Variants in CERS3 observed in about 807,000 individuals in gnomAD.
CERS3 encodes the protein LAG1 homolog, ceramide synthase 3.
A neutral mutation model predicts 50.3 loss-of-function variants in CERS3; 33 were observed. The ratio of observed to expected loss-of-function variants is 0.66; its 90% CI spans 0.50 to 0.88. The LOEUF (loss-of-function observed/expected upper bound fraction) is 0.88, where lower values mean the gene tolerates loss of function less well. Ranked by LOEUF, CERS3 falls within the 40% of genes least tolerant of loss-of-function variation. CERS3 has a pLI of 0.00. For missense variants in CERS3, 470 were observed against 460.3 expected, an observed-to-expected ratio of 1.02 and a Z score of -0.19; for synonymous variants, 176 against 155.2, an observed-to-expected ratio of 1.13 and a Z score of -0.99.
At chr15:100,482,166 T>C (rs1484316068) in intron 5 of CERS3, among the ~76,000 whole-genome samples, 2 of 152,244 alleles carry the variant, frequency 1.3e-5, no homozygotes, top group African/African-American at 4.8e-5. Flanking sequence ...GATAATATCC[T>C]TGTCAATGTC....
At chr15:100,412,782 G>A (rs2031590274) in intron 11 of CERS3, among the ~76,000 whole-genome samples, 1 of 152,078 alleles carries the variant, frequency 6.6e-6, no homozygotes, top group Non-Finnish European at 1.5e-5. Context: ...TACTATCAAT[G>A]GATCTAATTC....
chr15:100,486,759 G>GA (rs1409382901), intron 4 of CERS3, among the ~76,000 whole-genome samples: 3 of 152,200 alleles, frequency 2.0e-5, no homozygotes, highest in African/African-American at 7.2e-5. Flanking sequence ...TCATTCATTT[G>GA]AAAGGATTTA....
At chr15:100,514,251 A>T (rs2036431862) in intron 2 of CERS3, among the ~76,000 whole-genome samples, 3 of 152,252 alleles carry the variant, frequency 2.0e-5, no homozygotes, top group Admixed American at 2.0e-4. Flanking sequence ...AAACTATTAA[A>T]TACCATGAAA....
intron 11 of CERS3, among the ~76,000 whole-genome samples, chr15:100,415,832 A>C (rs1204778755): frequency 6.6e-6 from 1 of 152,058 alleles, no homozygotes; most frequent in Non-Finnish European, 1.5e-5. Context: ...TCGGACAAAT[A>C]CCTAATGTAT....
intron 2 of CERS3, among the ~76,000 whole-genome samples, chr15:100,516,774 T>C (rs2036501921): frequency 6.6e-6 from 1 of 152,184 alleles, no homozygotes; most frequent in African/African-American, 2.4e-5. Flanking sequence ...CCAACTGTGC[T>C]AAGTAAAATA....
chr15:100,433,341 G>A (rs761626800), intron 11 of CERS3, among the ~76,000 whole-genome samples: 172 of 145,754 alleles, frequency 1.2e-3, no homozygotes, highest in African/African-American at 1.7e-3. Flanking sequence ...AATTCCCCCC[G>A]CCGCCCCACC....
chr15:100,402,526 T>C lies in CERS3; in HGVS notation c.*187A>G, dbSNP rs528586161. 9 of 591,278 alleles carry C rather than the reference T, an allele frequency of 1.5e-5. No homozygotes were observed. In the Middle Eastern group the frequency reaches 1.4e-3, roughly 90 times the overall value. The allele number at this position is 591,278 out of a possible 1,614,324, so 36.6% of individuals were successfully genotyped here. Reference sequence around the variant, plus strand: ...GAGTCCTAACTGCAGTAAAAATCCATGGGCATGCTTATATTTAACATTTTA... The same window carrying C: ...GAGTCCTAACTGCAGTAAAAATCCACGGGCATGCTTATATTTAACATTTTA... On this transcript the variant is annotated 3_prime_UTR_variant, in exon 12 of 12. Coordinates refer to ENST00000679737, the MANE Select transcript of CERS3 (RefSeq NM_001378789.1).
Position 100,478,909 on chromosome 15 carries a change from G to C in CERS3, c.516+519C>G, listed in dbSNP as rs564587643. 3.3e-5 allele frequency among the ~76,000 whole-genome samples: 5 copies of C among 152,234 alleles called. No individual in the cohort carries two copies. In the East Asian group the frequency reaches 9.6e-4, roughly 29 times the overall value. On this transcript the variant is annotated intron_variant, in intron 7 of 11. Coordinates refer to ENST00000679737, the MANE Select transcript of CERS3 (RefSeq NM_001378789.1). Reference sequence around the variant, plus strand: ...CGATTTACAGAACAATAATAGCAATGACTTCTAAGGTTTTAAATATTTGAA... The same window carrying C: ...CGATTTACAGAACAATAATAGCAATCACTTCTAAGGTTTTAAATATTTGAA...
intron 4 of CERS3, among the ~76,000 whole-genome samples, chr15:100,485,079 T>G (rs1481131944): frequency 6.6e-6 from 1 of 152,166 alleles, no homozygotes; most frequent in East Asian, 1.9e-4. Flanking sequence ...AGAAGTTCAG[T>G]GACTTGTCCA....
In CERS3 at chr15:100,490,917, G is replaced by C; in HGVS notation, c.188C>G (p.Pro63Arg). 1 of 1,593,028 alleles carries C rather than the reference G, an allele frequency of 6.3e-7. No individual in the cohort carries two copies. The highest frequency in any genetic ancestry group is 8.5e-7 in the Non-Finnish European group (1 of 1,170,314). Residue 63 changes from proline to arginine, a missense_variant, in exon 4 of 12, where the codon CCT becomes CGT. By Grantham distance (103) the Pro-to-Arg change is moderately radical. Coordinates refer to ENST00000679737, the MANE Select transcript of CERS3 (RefSeq NM_001378789.1). ...TTTAATGCCAAATGATTTTGCTAGA[G>C]GTGAAGCAACAAATCTACAAAAATA... ...RRVFEKFVASPLAKSFGIKET... is the reference protein window; with the variant it reads ...RRVFEKFVASRLAKSFGIKET...
intron 10 of CERS3, among the ~76,000 whole-genome samples, chr15:100,459,074 T>C (rs2034467393): frequency 6.6e-6 from 1 of 152,252 alleles, no homozygotes; most frequent in South Asian, 2.1e-4. Context: ...TTAGTGTGTG[T>C]GTCTGTGTTC....
At chr15:100,414,725 T>C (rs1020868838) in intron 11 of CERS3, among the ~76,000 whole-genome samples, 1 of 151,074 alleles carries the variant, frequency 6.6e-6, no homozygotes, top group African/African-American at 2.4e-5. Flanking sequence ...TGGCCAGCCA[T>C]ATGCAAACTA....
chr15:100,408,684 A>T (rs1450004752), intron 11 of CERS3: 3 of 152,224 alleles, frequency 2.0e-5, no homozygotes, highest in Non-Finnish European at 2.9e-5. Context: ...ATGGATGAAT[A>T]GGATGGGTGC....
intron 11 of CERS3, among the ~76,000 whole-genome samples, chr15:100,441,150 A>G (rs1254388240): frequency 1.3e-5 from 2 of 151,842 alleles, no homozygotes; most frequent in Non-Finnish European, 1.5e-5. Context: ...CTGACCTCTT[A>G]TCTCTGTGCC....
At chr15:100,481,463 C>T (rs1322308067) in intron 5 of CERS3, among the ~76,000 whole-genome samples, 2 of 152,166 alleles carry the variant, frequency 1.3e-5, no homozygotes, top group Non-Finnish European at 2.9e-5. Flanking sequence ...TTATCTTGTC[C>T]AAACAAAACC....
At position 100,484,686 on chromosome 15, in the gene CERS3, G is replaced by A. The variant is rs377010792; in HGVS notation, c.289-18C>T. On this transcript the variant is annotated intron_variant, in intron 4 of 11. Transcript: ENST00000679737. ...ATATCAGTCTGAAAAGGGATGAAAC[G>A]CATAAATGAGTGATAAAGAACAGAG... 6.6e-5 allele frequency: 101 copies of A among 1,520,288 alleles called. No homozygotes were observed. Among genetic ancestry groups the A allele is most frequent in the Admixed American group, 1.3e-4 (8 of 59,862 alleles). 94.2% of individuals were successfully genotyped at this position (1,520,288 alleles called of 1,614,324 possible).
At chr15:100,453,026 G>T (rs757033031) in intron 11 of CERS3, among the ~76,000 whole-genome samples, 1 of 151,880 alleles carries the variant, frequency 6.6e-6, no homozygotes, top group Non-Finnish European at 1.5e-5. Flanking sequence ...ACAAAGAAAA[G>T]TCCAGGTCCA....
intron 10 of CERS3, among the ~76,000 whole-genome samples, chr15:100,457,197 T>A (rs1475535965): frequency 1.3e-5 from 2 of 152,212 alleles, no homozygotes; most frequent in African/African-American, 4.8e-5. Flanking sequence ...AATTTTTTTA[T>A]TAACATGCAG....
At chr15:100,413,511 ACTATACTATACTATACTATACTAT>A (rs1251062666) in intron 11 of CERS3, among the ~76,000 whole-genome samples, 3 of 5,804 alleles carry the variant, frequency 5.2e-4, no homozygotes, top group Non-Finnish European at 1.4e-3. Flanking sequence ...ACAACTGACG[ACTATACTATACTATACTATACTAT>A]ACTATACTAT....
Sources: gnomAD v4.1 joint callset for allele counts (sites outside exome capture counted in the v4.1 genomes callset) on GRCh38, gnomAD v4.1.1 for gene constraint, MANE v1.5 for transcripts, NCBI Gene and HGNC (gene_info 2026-07-23, HGNC 2026-07-21) for gene names.